Variants in SLC4A10 observed in about 807,000 individuals in gnomAD.
SLC4A10 encodes the protein solute carrier family 4 member 10, also known as sodium-driven chloride bicarbonate exchanger.
Under a neutral mutation model 137.7 loss-of-function variants are expected in SLC4A10, and 42 were observed. The observed-to-expected ratio is 0.30, with a 90% confidence interval of 0.24 to 0.39. The LOEUF is 0.39. Among genes scored for constraint, SLC4A10 ranks in the 10% least tolerant of loss-of-function variants. The pLI, the probability that SLC4A10 is intolerant of heterozygous loss-of-function variation, is 1.00. For missense variants in SLC4A10, 925 were observed against 1,355.0 expected (o/e 0.68, Z 4.98); for synonymous variants, 474 against 464.1 (o/e 1.02, Z -0.27).
chr2:161,853,559 A>G (rs1484420398), intron 4 of SLC4A10, among the ~76,000 whole-genome samples: 1 of 152,234 alleles, frequency 6.6e-6, no homozygotes, highest in African/African-American at 2.4e-5. Context: ...AGAACCAGTT[A>G]TGACATGATA....
At chr2:161,694,746 A>T (rs2042322915) in intron 1 of SLC4A10, among the ~76,000 whole-genome samples, 1 of 152,090 alleles carries the variant, frequency 6.6e-6, no homozygotes, top group Non-Finnish European at 1.5e-5. Flanking sequence ...TTTTAAATTG[A>T]AATGGTAACC....
At chr2:161,906,079 C>T (rs966129992) in intron 15 of SLC4A10, among the ~76,000 whole-genome samples, 192 bp downstream of exon 15, 1 of 152,166 alleles carries the variant, frequency 6.6e-6, no homozygotes, top group African/African-American at 2.4e-5. Flanking sequence ...CTTGCATTCT[C>T]ATTATACCAT....
chr2:161,781,303 C>A (rs1464637235), intron 2 of SLC4A10, among the ~76,000 whole-genome samples: 1 of 152,120 alleles, frequency 6.6e-6, no homozygotes, highest in East Asian at 1.9e-4. Flanking sequence ...CAGTGGTGTG[C>A]TTTACTTGGT....
chr2:161,945,182 GTA>G (rs56159201), intron 16 of SLC4A10, among the ~76,000 whole-genome samples: 2,524 of 87,960 alleles, frequency 0.029, 58 homozygotes, highest in East Asian at 0.074. Flanking sequence ...AAGTTTGTGT[GTA>G]TATATATATA....
intron 23 of SLC4A10, among the ~76,000 whole-genome samples, chr2:161,967,598 T>C (rs1211706049): frequency 6.6e-6 from 1 of 152,192 alleles, no homozygotes; most frequent in Non-Finnish European, 1.5e-5. Flanking sequence ...ACCCCTACTA[T>C]GGCCTCAGTC....
At chr2:161,917,753 A>C (rs1291005526) in intron 15 of SLC4A10, among the ~76,000 whole-genome samples, 1 of 152,198 alleles carries the variant, frequency 6.6e-6, no homozygotes, top group Admixed American at 6.5e-5. Context: ...CTAATTTATT[A>C]TCTCTCTCCT....
intron 1 of SLC4A10, among the ~76,000 whole-genome samples, chr2:161,739,342 T>C (rs760436939): frequency 1.8e-4 from 27 of 152,138 alleles, no homozygotes; most frequent in Admixed American, 1.3e-4. Flanking sequence ...CTTTCATGCT[T>C]TTATCGCCTC....
At chr2:161,692,155 C>T (rs913050491) in intron 1 of SLC4A10, among the ~76,000 whole-genome samples, 6 of 151,672 alleles carry the variant, frequency 4.0e-5, no homozygotes, top group Non-Finnish European at 7.4e-5. Context: ...AAAGGACACC[C>T]CAGAAGGAGG....
intron 4 of SLC4A10, among the ~76,000 whole-genome samples, chr2:161,849,035 G>A (rs2059664589): frequency 2.0e-5 from 3 of 152,096 alleles, no homozygotes; most frequent in Non-Finnish European, 4.4e-5. Context: ...CTATCCATGA[G>A]CATGGAATGT....
chr2:161,727,202 G>T (rs945497292), intron 1 of SLC4A10, among the ~76,000 whole-genome samples: 1 of 152,156 alleles, frequency 6.6e-6, no homozygotes, highest in African/African-American at 2.4e-5. Context: ...CCTAGAGCTG[G>T]CAGCCAGGCC....
chr2:161,835,185 G>A lies in SLC4A10; in HGVS notation c.278-4604G>A, dbSNP rs1369579638. Among the ~76,000 whole-genome samples the A allele has an allele frequency of 5.3e-5, 8 of 151,902 alleles. No homozygotes were observed. The South Asian group carries it at 1.0e-3, about 20-fold the overall frequency. On this transcript the variant is annotated intron_variant, in intron 3 of 26. Transcript: ENST00000446997. ...CCTGAGTATCTGAGACTACAAGCAC[G>A]TGCCACCATGCCCAGCTAATTTTTT...
rs1317280258 is a variant in SLC4A10, at chr2:161,879,438, G to A, written c.1106+150G>A. 5 of 783,734 alleles carry A rather than the reference G, an allele frequency of 6.4e-6. No individual in the cohort carries two copies. In the East Asian group the frequency reaches 1.1e-4, roughly 18 times the overall value. The allele number at this position is 783,734 out of a possible 1,614,324, so 48.5% of individuals were successfully genotyped here. A position where few individuals can be genotyped will look rare whatever the true frequency, so the allele number is the denominator to read the frequency against. On this transcript the variant is annotated intron_variant, in intron 9 of 26. Coordinates refer to ENST00000446997, the MANE Select transcript of SLC4A10 (RefSeq NM_001178015.2). ...ACTATTAATTTTTGTTTGTGGAGGA[G>A]GGGAAAAGTGCTTTAAAAATTATTC...
chr2:161,761,419 T>C (rs2050241921), intron 1 of SLC4A10, among the ~76,000 whole-genome samples: 1 of 151,898 alleles, frequency 6.6e-6, no homozygotes, highest in Non-Finnish European at 1.5e-5. Flanking sequence ...AGAGTAAACA[T>C]GGCATGGACA....
intron 8 of SLC4A10, among the ~76,000 whole-genome samples, chr2:161,876,777 C>T (rs1461405940): frequency 6.6e-6 from 1 of 151,722 alleles, no homozygotes; most frequent in Non-Finnish European, 1.5e-5. Flanking sequence ...AGGGTTGCCC[C>T]ACGAATAATA....
chr2:161,679,048 GT>G (rs2040564602), intron 1 of SLC4A10, among the ~76,000 whole-genome samples: 1 of 151,994 alleles, frequency 6.6e-6, no homozygotes, highest in Non-Finnish European at 1.5e-5. Context: ...TTCCAAAGTG[GT>G]TTTATCAATT....
At chr2:161,830,161 C>CA (rs201494187) in intron 3 of SLC4A10, among the ~76,000 whole-genome samples, 5,932 of 103,652 alleles carry the variant, frequency 0.057, 217 homozygotes, top group East Asian at 0.23. Context: ...GGAACTAAAG[C>CA]AAAAAAAAAA....
intron 15 of SLC4A10, among the ~76,000 whole-genome samples, chr2:161,918,139 T>C (rs1334329432): frequency 6.6e-6 from 1 of 152,230 alleles, no homozygotes; most frequent in South Asian, 2.1e-4. Flanking sequence ...CAAGAAGTGT[T>C]TTTGTTGTTT....
intron 11 of SLC4A10, among the ~76,000 whole-genome samples, chr2:161,896,239 T>C (rs2105242889): frequency 6.6e-6 from 1 of 152,070 alleles, no homozygotes; most frequent in East Asian, 1.9e-4. Flanking sequence ...TGCAGCGTTA[T>C]TTCTGAGGGC....
chr2:161,944,203 T>G (rs1693278312), intron 16 of SLC4A10, among the ~76,000 whole-genome samples: 1 of 151,952 alleles, frequency 6.6e-6, no homozygotes, highest in African/African-American at 2.4e-5. Context: ...GAAAAAACAC[T>G]ATAGTTATTC....
Sources: allele counts gnomAD v4.1 joint callset (sites outside exome capture counted in the v4.1 genomes callset), GRCh38; gene constraint gnomAD v4.1.1; transcripts MANE v1.5; gene names NCBI Gene and HGNC (gene_info 2026-07-23, HGNC 2026-07-21).